TRDN: variants seen among roughly 807,000 people sequenced by gnomAD.
TRDN encodes triadin, also known as triadin in skeletal muscle.
In TRDN, 161 loss-of-function variants were observed where a neutral mutation model predicts 149.7. The ratio of observed to expected loss-of-function variants is 1.08; its 90% CI spans 0.95 to 1.23. The LOEUF is 1.23. Among genes scored for constraint, TRDN ranks in the 50% most tolerant of loss-of-function variants. The probability of loss-of-function intolerance (pLI) is 0.00; values close to 1 mark genes in which losing one functional copy is unlikely to be tolerated. For missense variants in TRDN, 896 were observed against 823.5 expected (o/e 1.09, Z -1.08); for synonymous variants, 294 against 250.5 (o/e 1.17, Z -1.64).
At chr6:123,379,689 G>T (rs1305968757) in intron 16 of TRDN, among the ~76,000 whole-genome samples, 1 of 152,094 alleles carries the variant, frequency 6.6e-6, no homozygotes, top group Non-Finnish European at 1.5e-5. Flanking sequence ...ATATAGGATA[G>T]CTCATGGTGT....
chr6:123,529,226 T>A, intron 5 of TRDN: 1 of 1,548,626 alleles, frequency 6.5e-7, no homozygotes, highest in Non-Finnish European at 8.7e-7. Flanking sequence ...CTTCAGCAGA[T>A]AGAAACACAG....
chr6:123,390,469 G>A lies in TRDN; in HGVS notation c.1106-1918C>T, dbSNP rs192142825. On this transcript the variant is annotated intron_variant, in intron 13 of 40. Coordinates refer to ENST00000334268, the MANE Select transcript of TRDN (RefSeq NM_006073.4). ...ATAGTTTCAGTTTCCAGTTTTCAGC[G>A]ACAATGGAGATAGTTGAATGAAGGA... Among the ~76,000 whole-genome samples, 456 of 152,148 alleles carry A rather than the reference G, an allele frequency of 3.0e-3. 1 individual carries two copies. Among genetic ancestry groups the A allele is most frequent in the African/African-American group, 0.01 (425 of 41,520 alleles).
At chr6:123,561,602 C>T (rs1782004638) in intron 2 of TRDN, among the ~76,000 whole-genome samples, 1 of 152,194 alleles carries the variant, frequency 6.6e-6, no homozygotes, top group Non-Finnish European at 1.5e-5. Context: ...AATTGGATGT[C>T]CTGGGTCCTC....
intron 1 of TRDN, among the ~76,000 whole-genome samples, chr6:123,578,119 A>G (rs1200615046): frequency 1.3e-5 from 2 of 152,202 alleles, no homozygotes; most frequent in African/African-American, 4.8e-5. Context: ...TTTGCCGTGC[A>G]GAAGCTCTAA....
At chr6:123,431,215 C>T (rs1774327467) in intron 12 of TRDN, among the ~76,000 whole-genome samples, 1 of 152,172 alleles carries the variant, frequency 6.6e-6, no homozygotes, top group Non-Finnish European at 1.5e-5. Context: ...TGAAAGGAAT[C>T]TACTATTGCC....
intron 38 of TRDN, among the ~76,000 whole-genome samples, chr6:123,233,380 A>G (rs1392046090): frequency 2.0e-5 from 3 of 152,118 alleles, no homozygotes; most frequent in Non-Finnish European, 4.4e-5. Context: ...GGAATAATAA[A>G]CTATGCAGGG....
intron 21 of TRDN, 142 bp from the exon 22 acceptor site, chr6:123,337,811 T>C: frequency 2.0e-6 from 1 of 501,106 alleles, no homozygotes; most frequent in Non-Finnish European, 3.6e-6. Flanking sequence ...TCTCCAGGCA[T>C]ATGTTGTCTA....
chr6:123,619,360 G>A (rs1356942155), intron 1 of TRDN, among the ~76,000 whole-genome samples: 1 of 152,150 alleles, frequency 6.6e-6, no homozygotes, highest in Non-Finnish European at 1.5e-5. Context: ...CACATTGCTG[G>A]AAAGTTGGTG....
At chr6:123,391,139 T>G (rs879782388) in intron 13 of TRDN, among the ~76,000 whole-genome samples, 1 of 152,088 alleles carries the variant, frequency 6.6e-6, no homozygotes, top group East Asian at 1.9e-4. Context: ...CAATTTTTTA[T>G]GTAATACCTG....
chr6:123,551,399 C>G (rs1430469424), intron 2 of TRDN, among the ~76,000 whole-genome samples: 1 of 149,856 alleles, frequency 6.7e-6, no homozygotes, highest in Non-Finnish European at 1.5e-5. Context: ...GACAGTAGTC[C>G]TGAAGTTGAT....
intron 1 of TRDN, among the ~76,000 whole-genome samples, chr6:123,582,806 G>T (rs917598742): frequency 2.0e-5 from 3 of 151,928 alleles, no homozygotes; most frequent in East Asian, 3.9e-4. Context: ...CAAAAATTTT[G>T]GGGGATGGTA....
At chr6:123,350,160 T>C (rs1780405116) in intron 21 of TRDN, 1 of 970,512 alleles carries the variant, frequency 1.0e-6, no homozygotes, top group African/African-American at 1.8e-5. Flanking sequence ...TAGACAAATC[T>C]TATTTAATTA....
In TRDN at chr6:123,245,580, G is replaced by A. The variant is rs550782905; in HGVS notation, c.1975+6832C>T. On this transcript the variant is annotated intron_variant, in intron 38 of 40. Coordinates refer to ENST00000334268, the MANE Select transcript of TRDN (RefSeq NM_006073.4). Reference sequence around the variant, plus strand: ...TGATGCACCCAATACAGGAGCACCCGGATTGATAAAGCAAGTTCTTAGAAA... The same window carrying A: ...TGATGCACCCAATACAGGAGCACCCAGATTGATAAAGCAAGTTCTTAGAAA... Among the ~76,000 whole-genome samples, 12 of 152,062 alleles carry A rather than the reference G, an allele frequency of 7.9e-5. No homozygotes were observed. The South Asian group carries it at 2.1e-3, about 26-fold the overall frequency.
chr6:123,251,592 CAT>C (rs1319873421), intron 38 of TRDN, among the ~76,000 whole-genome samples: 3 of 150,168 alleles, frequency 2.0e-5, no homozygotes, highest in Non-Finnish European at 4.5e-5. Flanking sequence ...TAAAATTACA[CAT>C]ATGAAATTAA....
intron 9 of TRDN, among the ~76,000 whole-genome samples, chr6:123,477,907 T>G (rs1288836056): frequency 1.5e-5 from 1 of 65,412 alleles, no homozygotes. Context: ...TGGGGACTGT[T>G]GTGGGGTCGG....
At chr6:123,260,568 T>G in intron 34 of TRDN, 44 bp downstream of exon 34, 1 of 1,470,790 alleles carries the variant, frequency 6.8e-7, no homozygotes, top group Non-Finnish European at 9.0e-7. Context: ...TACATACTGT[T>G]TCCACAACTG....
chr6:123,585,878 T>TGCTAC (rs1783454642), intron 1 of TRDN, among the ~76,000 whole-genome samples: 5 of 150,880 alleles, frequency 3.3e-5, no homozygotes, highest in Non-Finnish European at 7.4e-5. Context: ...ATTGCAACTT[T>TGCTAC]TTTCTATTAT....
intron 11 of TRDN, among the ~76,000 whole-genome samples, chr6:123,438,633 T>C (rs1190630881): frequency 6.6e-6 from 1 of 152,126 alleles, no homozygotes; most frequent in Non-Finnish European, 1.5e-5. Context: ...ATTAGTTAAA[T>C]AGTAACCATC....
At chr6:123,243,371 A>G (rs1582766159) in intron 38 of TRDN, among the ~76,000 whole-genome samples, 1 of 152,192 alleles carries the variant, frequency 6.6e-6, no homozygotes, top group African/African-American at 2.4e-5. Context: ...TATGGAAAAC[A>G]AAACAAGAAA....
Sources: allele counts gnomAD v4.1 joint callset (sites outside exome capture counted in the v4.1 genomes callset), GRCh38; gene constraint gnomAD v4.1.1; transcripts MANE v1.5; gene names NCBI Gene and HGNC (gene_info 2026-07-23, HGNC 2026-07-21).